Variants in CPNE1 observed in about 807,000 individuals in gnomAD.
The protein encoded by CPNE1 is copine 1, also known as copine-1.
In CPNE1, 58 loss-of-function variants were observed where a neutral mutation model predicts 63.2. That is an observed-to-expected ratio of 0.92 (90% CI 0.74 to 1.14). CPNE1 has a LOEUF of 1.14. CPNE1 is among the 50% of genes most tolerant of loss of function. The pLI is 0.00. For missense variants in CPNE1, 672 were observed against 661.7 expected, an observed-to-expected ratio of 1.02 and a Z score of -0.17; for synonymous variants, 237 against 249.0, an observed-to-expected ratio of 0.95 and a Z score of 0.45.
chr20:35,632,225 G>C lies in CPNE1; in HGVS notation c.394C>G (p.Gln132Glu). Reference protein sequence around the residue: ...AGRGTITVSAQELKDNRVVTM... With the variant: ...AGRGTITVSAEELKDNRVVTM... Reference sequence around the variant, plus strand: ...ACTACACGATTGTCCTTTAATTCCTGAGCTGAGACCTAGGTAGGGGAGACT... The same window carrying C: ...ACTACACGATTGTCCTTTAATTCCTCAGCTGAGACCTAGGTAGGGGAGACT... Residue 132 changes from glutamine (Q) to glutamate (E), a missense_variant, in exon 5 of 16, where the codon CAG (glutamine) becomes GAG (glutamate). Gln to Glu is a conservative substitution (Grantham distance 29). Coordinates refer to ENST00000397443, the MANE Select transcript of CPNE1 (RefSeq NM_152925.3). 1 of 1,613,958 alleles carries C rather than the reference G, an allele frequency of 6.2e-7. No individual in the cohort carries two copies. The highest frequency in any genetic ancestry group is 1.7e-5 in the Admixed American group (1 of 60,002).
chr20:35,627,947 C>T (rs1468794988), intron 13 of CPNE1, among the ~76,000 whole-genome samples: 3 of 151,252 alleles, frequency 2.0e-5, no homozygotes, highest in Admixed American at 6.6e-5. Context: ...GGGTTCAAGG[C>T]CAGCTTAGGC....
chr20:35,659,927 C>T (rs6060540), intron 1 of CPNE1, among the ~76,000 whole-genome samples: 10,391 of 152,156 alleles, frequency 0.068, 440 homozygotes, highest in South Asian at 0.18. Flanking sequence ...AGATTACCTA[C>T]GACTACTTTT....
rs914432338 is a variant in CPNE1, at chr20:35,640,184, G to C, written c.1-7261C>G. ...CCTTTGAGCAACATTTCCTTTAAAT[G>C]ATCTATAAACCACGGGATTATTAAT... On this transcript the variant is annotated intron_variant, in intron 1 of 15. Coordinates refer to ENST00000397443, the MANE Select transcript of CPNE1 (RefSeq NM_152925.3). Among the ~76,000 whole-genome samples, 25 of 152,210 alleles carry C rather than the reference G, an allele frequency of 1.6e-4. 1 individual carries two copies. The highest frequency in any genetic ancestry group is 5.8e-4 in the African/African-American group (24 of 41,512).
intron 1 of CPNE1, among the ~76,000 whole-genome samples, chr20:35,662,592 A>C (rs568439372): frequency 1.3e-5 from 2 of 152,340 alleles, no homozygotes; most frequent in South Asian, 2.1e-4. Context: ...TGTGCAACCA[A>C]CTACTGACAC....
At chr20:35,628,877 C>T (rs1013070636) in intron 13 of CPNE1, among the ~76,000 whole-genome samples, 1 of 152,168 alleles carries the variant, frequency 6.6e-6, no homozygotes, top group Non-Finnish European at 1.5e-5. Flanking sequence ...TTAGGAGATA[C>T]TGAAGTACTC....
chr20:35,636,359 A>C (rs1194466145), intron 1 of CPNE1, among the ~76,000 whole-genome samples: 1 of 152,216 alleles, frequency 6.6e-6, no homozygotes, highest in Non-Finnish European at 1.5e-5. Flanking sequence ...AATAAAAAAG[A>C]ATGCTCATTT....
At chr20:35,651,494 T>G (rs888423645) in intron 1 of CPNE1, 2 of 152,250 alleles carry the variant, frequency 1.3e-5, no homozygotes, top group Non-Finnish European at 2.9e-5. Flanking sequence ...TCTATACTAC[T>G]ACTGCTAACA....
At chr20:35,652,802 C>A in intron 1 of CPNE1, 4 of 1,607,882 alleles carry the variant, frequency 2.5e-6, no homozygotes, top group Non-Finnish European at 3.4e-6. Flanking sequence ...GGGGGACCAC[C>A]AATATGGATT....
At position 35,632,282 on chromosome 20, in the gene CPNE1, C is replaced by T; in HGVS notation, c.384+29G>A. Reference sequence around the variant, plus strand: ...CCTCATGAATTCATTGATGTTAAGTCCCTCCTCAACCCTTGCTGGGTTCCT... The same window carrying T: ...CCTCATGAATTCATTGATGTTAAGTTCCTCCTCAACCCTTGCTGGGTTCCT... On this transcript the variant is annotated intron_variant, in intron 4 of 15. Transcript: ENST00000397443. 3.1e-6 allele frequency: 5 copies of T among 1,613,544 alleles called. No individual in the cohort carries two copies. The South Asian group carries it at 5.5e-5, about 18-fold the overall frequency.
At chr20:35,630,342 T>C (rs2032036990) in intron 13 of CPNE1, 97 bp downstream of exon 13, 1 of 890,158 alleles carries the variant, frequency 1.1e-6, no homozygotes, top group African/African-American at 1.7e-5. Flanking sequence ...CTCTGGACAA[T>C]GAAGGCAGGT....
At chr20:35,660,947 G>A (rs2034200881) in intron 1 of CPNE1, among the ~76,000 whole-genome samples, 9 of 152,174 alleles carry the variant, frequency 5.9e-5, no homozygotes, top group Admixed American at 5.9e-4. Context: ...AAGGTTACCA[G>A]AAATTACCTT....
chr20:35,648,372 A>G (rs1009859841), intron 1 of CPNE1, among the ~76,000 whole-genome samples: 6 of 152,214 alleles, frequency 3.9e-5, no homozygotes, highest in African/African-American at 1.4e-4. Context: ...TCTTGCTGTA[A>G]AACACTGGAA....
In CPNE1 at chr20:35,630,434, C is replaced by T. The variant is rs1401814951; in HGVS notation, c.1102+5G>A. 6.2e-7 allele frequency: 1 copy of T among 1,614,000 alleles called. No individual in the cohort carries two copies. The highest frequency in any genetic ancestry group is 8.5e-7 in the Non-Finnish European group (1 of 1,179,840). ...ACCTGCCTCAGGGTGGATGGGGAAA[C>T]TTACCTGCACAGTAGGGGTTACTGG... On this transcript the variant is annotated splice_donor_5th_base_variant and intron_variant, in intron 13 of 15. Transcript: ENST00000397443.
At chr20:35,645,997 C>G (rs1315149234) in intron 1 of CPNE1, among the ~76,000 whole-genome samples, 3 of 151,984 alleles carry the variant, frequency 2.0e-5, no homozygotes, top group Non-Finnish European at 2.9e-5. Context: ...AATCCCAGCA[C>G]TTTGAGAGGC....
intron 1 of CPNE1, chr20:35,655,394 C>G (rs2033835846): frequency 6.9e-7 from 1 of 1,447,162 alleles, no homozygotes; most frequent in Non-Finnish European, 9.3e-7. Context: ...TTTATCACAC[C>G]AAGTTTTTAG....
chr20:35,631,111 T>C lies in CPNE1; in HGVS notation c.861+3A>G, dbSNP rs1234793097. On this transcript the variant is annotated splice_donor_region_variant and intron_variant, in intron 10 of 15. Transcript: ENST00000397443. ...TTCTCTTGCCCTTGGTAAAGTAACT[T>C]ACAGTGAAGTTGATCTGACAGCCTC... is the stretch of plus-strand genomic sequence containing the variant. 2 of 1,614,008 alleles carry C rather than the reference T, an allele frequency of 1.2e-6. No individual in the cohort carries two copies. The highest frequency in any genetic ancestry group is 1.7e-6 in the Non-Finnish European group (2 of 1,180,022).
chr20:35,626,916 G>A (rs1601413699), intron 14 of CPNE1, 113 bp from the exon 15 acceptor site: 4 of 889,940 alleles, frequency 4.5e-6, no homozygotes, highest in Middle Eastern at 2.5e-4. Flanking sequence ...GGCCGGGTGC[G>A]ATGGCTCACA....
intron 1 of CPNE1, among the ~76,000 whole-genome samples, chr20:35,661,079 T>C (rs552052729): frequency 1.3e-4 from 20 of 152,344 alleles, no homozygotes; most frequent in African/African-American, 4.8e-4. Context: ...GATAGAAATT[T>C]ATGATTCTCT....
intron 9 of CPNE1, 24 bp downstream of exon 9, chr20:35,631,244 T>G (rs1367868733): frequency 6.2e-7 from 1 of 1,613,950 alleles, no homozygotes; most frequent in Non-Finnish European, 8.5e-7. Flanking sequence ...ATCAGAGCCT[T>G]GGTTACATGG....
Sources: allele counts gnomAD v4.1 joint callset (sites outside exome capture counted in the v4.1 genomes callset), GRCh38; gene constraint gnomAD v4.1.1; transcripts MANE v1.5; gene names NCBI Gene and HGNC (gene_info 2026-07-23, HGNC 2026-07-21).